The following SMYD3 variants were observed in gnomAD, a reference collection of about 807,000 sequenced individuals.
SMYD3 encodes the protein histone-lysine N-methyltransferase SMYD3.
A neutral mutation model predicts 57.7 loss-of-function variants in SMYD3; 36 were observed. That is an observed-to-expected ratio of 0.62 (90% CI 0.48 to 0.82). The LOEUF is 0.82. Among genes scored for constraint, SMYD3 ranks in the 40% least tolerant of loss-of-function variants. The probability of loss-of-function intolerance (pLI) is 0.00; values close to 1 mark genes in which losing one functional copy is unlikely to be tolerated. For synonymous variants in SMYD3, 211 were observed against 195.0 expected, an observed-to-expected ratio of 1.08 and a Z score of -0.68; for missense variants, 515 against 538.8, an observed-to-expected ratio of 0.96 and a Z score of 0.44.
chr1:246,068,231 G>A (rs180831454), intron 5 of SMYD3, among the ~76,000 whole-genome samples: 5 of 150,280 alleles, frequency 3.3e-5, no homozygotes, highest in African/African-American at 9.8e-5. Flanking sequence ...TATATGCCTC[G>A]TGTTTAAATT....
chr1:246,299,552 G>A (rs568812633), intron 5 of SMYD3, among the ~76,000 whole-genome samples: 39 of 152,146 alleles, frequency 2.6e-4, no homozygotes, highest in Admixed American at 1.4e-3. Context: ...TATGTTCATC[G>A]CAGCACTATT....
chr1:245,863,702 G>A, intron 9 of SMYD3, 97 bp downstream of exon 9: 1 of 1,039,050 alleles, frequency 9.6e-7, no homozygotes, highest in Non-Finnish European at 1.5e-6. Flanking sequence ...GGCTCATGGA[G>A]AGGTCAAACC....
At chr1:246,470,813 A>G (rs982003024) in intron 1 of SMYD3, among the ~76,000 whole-genome samples, 3 of 152,150 alleles carry the variant, frequency 2.0e-5, no homozygotes, top group Admixed American at 1.3e-4. Flanking sequence ...AATGAACTAG[A>G]GATCAAAAGT....
At chr1:246,408,994 A>G (rs2066915990) in intron 1 of SMYD3, among the ~76,000 whole-genome samples, 1 of 150,800 alleles carries the variant, frequency 6.6e-6, no homozygotes, top group Admixed American at 6.7e-5. Flanking sequence ...TAAAACCTTA[A>G]GGTTCATATC....
At chr1:246,227,469 A>G (rs2333999) in intron 5 of SMYD3, among the ~76,000 whole-genome samples, 31,504 of 151,888 alleles carry the variant, frequency 0.21, 3,970 homozygotes, top group East Asian at 0.58. Flanking sequence ...CAAAAAATTA[A>G]CCGGGTGTGG....
At chr1:246,398,314 A>C (rs1558444573) in intron 1 of SMYD3, among the ~76,000 whole-genome samples, 1 of 152,232 alleles carries the variant, frequency 6.6e-6, no homozygotes, top group Non-Finnish European at 1.5e-5. Flanking sequence ...TCCAAGGTTA[A>C]ACGACACACT....
At chr1:246,261,698 A>C (rs1367443974) in intron 5 of SMYD3, among the ~76,000 whole-genome samples, 1 of 123,896 alleles carries the variant, frequency 8.1e-6, no homozygotes, top group East Asian at 4.4e-4. Flanking sequence ...AAAAACAGTA[A>C]TAAGAATTTA....
At chr1:246,457,045 G>C (rs1240461944) in intron 1 of SMYD3, among the ~76,000 whole-genome samples, 1 of 152,014 alleles carries the variant, frequency 6.6e-6, no homozygotes, top group Non-Finnish European at 1.5e-5. Context: ...GCCTTATATG[G>C]AGCCTTCCAT....
intron 5 of SMYD3, among the ~76,000 whole-genome samples, chr1:246,070,606 G>A (rs867032029): frequency 2.3e-4 from 35 of 152,140 alleles, no homozygotes; most frequent in South Asian, 2.1e-3. Flanking sequence ...TCACGAAGAG[G>A]TGAAGCACCG....
intron 10 of SMYD3, among the ~76,000 whole-genome samples, chr1:245,815,705 T>C (rs897662664): frequency 2.0e-5 from 3 of 152,248 alleles, no homozygotes; most frequent in Non-Finnish European, 4.4e-5. Context: ...ACAAAGGATA[T>C]GTCTTTAACA....
At chr1:245,941,894 G>T (rs1227730430) in intron 5 of SMYD3, among the ~76,000 whole-genome samples, 1 of 152,136 alleles carries the variant, frequency 6.6e-6, no homozygotes, top group Non-Finnish European at 1.5e-5. Flanking sequence ...TATAAGTGAA[G>T]GAGAAATAAA....
intron 10 of SMYD3, among the ~76,000 whole-genome samples, chr1:245,848,601 G>C (rs1250409397): frequency 6.6e-6 from 1 of 151,844 alleles, no homozygotes; most frequent in Admixed American, 6.6e-5. Context: ...TAGTAGAGAT[G>C]AAGTCTTGCT....
At chr1:246,438,464 G>A (rs1393518078) in intron 1 of SMYD3, among the ~76,000 whole-genome samples, 1 of 152,078 alleles carries the variant, frequency 6.6e-6, no homozygotes, top group Non-Finnish European at 1.5e-5. Flanking sequence ...AGGACCAGAG[G>A]AACTACTTTC....
intron 4 of SMYD3, 22 bp from the exon 5 acceptor site, chr1:246,327,359 T>A (rs745862450): frequency 3.1e-6 from 5 of 1,595,658 alleles, no homozygotes; most frequent in Non-Finnish European, 4.3e-6. Context: ...AGAAAATAAA[T>A]AGCACAATCT....
chr1:245,872,799 T>A (rs1333247000), intron 8 of SMYD3, among the ~76,000 whole-genome samples: 1 of 152,196 alleles, frequency 6.6e-6, no homozygotes, highest in African/African-American at 2.4e-5. Flanking sequence ...AGGTTCAATC[T>A]CCAGCTACAC....
intron 1 of SMYD3, among the ~76,000 whole-genome samples, chr1:246,386,281 G>A (rs561850537): frequency 3.3e-5 from 5 of 152,224 alleles, no homozygotes; most frequent in East Asian, 1.9e-4. Flanking sequence ...AGGAGAATGC[G>A]TACTCTAGGA....
At chr1:246,425,311 C>T (rs1048522698) in intron 1 of SMYD3, among the ~76,000 whole-genome samples, 1 of 152,150 alleles carries the variant, frequency 6.6e-6, no homozygotes, top group Admixed American at 6.5e-5. Flanking sequence ...CTCCTGGTAC[C>T]GGAGATACAA....
chr1:245,797,848 A>AAAAAAAAAAAAAAAAAGG (rs2047613613), intron 10 of SMYD3, among the ~76,000 whole-genome samples: 1 of 138,938 alleles, frequency 7.2e-6, no homozygotes, highest in Non-Finnish European at 1.6e-5. Flanking sequence ...AAAAAAAAAA[A>AAAAAAAAAAAAAAAAAGG]GGTGGATCAA....
intron 8 of SMYD3, among the ~76,000 whole-genome samples, chr1:245,913,562 A>G (rs911190361): frequency 1.8e-4 from 27 of 152,256 alleles, no homozygotes; most frequent in Admixed American, 3.9e-4. Flanking sequence ...ACATTGGTCT[A>G]GGCAAAGATT....
Sources: allele counts gnomAD v4.1 joint callset (sites outside exome capture counted in the v4.1 genomes callset), GRCh38; gene constraint gnomAD v4.1.1; transcripts MANE v1.5; gene names NCBI Gene and HGNC (gene_info 2026-07-23, HGNC 2026-07-21).